Variants in BCKDHB observed in about 807,000 individuals in gnomAD.
BCKDHB encodes the protein 2-oxoisovalerate dehydrogenase subunit beta, mitochondrial.
Under a neutral mutation model 48.5 loss-of-function variants are expected in BCKDHB, and 41 were observed. The observed-to-expected ratio is 0.85, with a 90% CI of 0.66 to 1.10. The LOEUF (loss-of-function observed/expected upper bound fraction) is 1.10, where lower values mean the gene tolerates loss of function less well. BCKDHB is among the 50% of genes least tolerant of loss of function. BCKDHB has a pLI of 0.00. For synonymous variants in BCKDHB, 201 were observed against 174.8 expected (o/e 1.15, Z -1.18); for missense variants, 496 against 494.2 (o/e 1.00, Z -0.03).
At chr6:80,297,148 T>C (rs1470372532) in intron 9 of BCKDHB, among the ~76,000 whole-genome samples, 1 of 152,140 alleles carries the variant, frequency 6.6e-6, no homozygotes, top group East Asian at 1.9e-4. Flanking sequence ...ATGTCCCAGG[T>C]CTTATGTAAT....
intron 9 of BCKDHB, among the ~76,000 whole-genome samples, chr6:80,283,515 A>G (rs1428722497): frequency 6.6e-6 from 1 of 152,092 alleles, no homozygotes; most frequent in Non-Finnish European, 1.5e-5. Flanking sequence ...GCTAAGGAAG[A>G]CATTTATATT....
intron 9 of BCKDHB, among the ~76,000 whole-genome samples, chr6:80,340,686 A>G (rs970454754): frequency 4.6e-5 from 7 of 152,196 alleles, no homozygotes; most frequent in Non-Finnish European, 7.3e-5. Flanking sequence ...CATGGTTGCT[A>G]TGGTTATGGC....
the BCKDHB span, among the ~76,000 whole-genome samples, chr6:80,418,900 G>A: frequency 8.2e-3 from 1,252 of 152,320 alleles, 9 homozygotes; most frequent in South Asian, 0.02. Context: ...GATTGTGTGC[G>A]TAGTTTTCCT....
chr6:80,232,782 G>A (rs907112978), intron 8 of BCKDHB, among the ~76,000 whole-genome samples: 1 of 150,464 alleles, frequency 6.6e-6, no homozygotes, highest in Non-Finnish European at 1.5e-5. Context: ...CTATATCTGT[G>A]TTATATATGT....
the BCKDHB span, among the ~76,000 whole-genome samples, chr6:80,372,640 T>G: frequency 2.6e-5 from 4 of 152,180 alleles, no homozygotes; most frequent in African/African-American, 9.7e-5. Context: ...CCGATTTTGC[T>G]GAGGGTTTTA....
chr6:80,117,090 G>A lies in BCKDHB; in HGVS notation c.196+10201G>A, dbSNP rs72906876. 2.7e-3 allele frequency among the ~76,000 whole-genome samples: 404 copies of A among 152,236 alleles called. 1 individual carries two copies. The highest frequency in any genetic ancestry group is 4.7e-3 in the Non-Finnish European group (317 of 67,998). On this transcript the variant is annotated intron_variant, in intron 1 of 9. Coordinates refer to ENST00000320393, the MANE Select transcript of BCKDHB (RefSeq NM_183050.4). The stretch of plus-strand genomic sequence containing the variant: ...TGTAACTTTAAAAAAGAAATGAAAA[G>A]TAAATGCTGCTCCATTAAAATTTGT...
intron 8 of BCKDHB, among the ~76,000 whole-genome samples, chr6:80,233,406 C>T (rs574499643): frequency 1.1e-4 from 17 of 152,204 alleles, no homozygotes; most frequent in African/African-American, 4.1e-4. Flanking sequence ...TGAGATCATT[C>T]CCAACTAAGA....
chr6:80,144,520 A>G (rs1771379589), intron 3 of BCKDHB, among the ~76,000 whole-genome samples: 1 of 152,150 alleles, frequency 6.6e-6, no homozygotes, highest in African/African-American at 2.4e-5. Flanking sequence ...AGTTTGATGA[A>G]GGTGAATCGG....
chr6:80,343,548 T>A, intron 9 of BCKDHB, 116 bp from the exon 10 acceptor site: 1 of 1,144,022 alleles, frequency 8.7e-7, no homozygotes, highest in African/African-American at 1.6e-5. Context: ...CTTAAATATT[T>A]TTAATGTCCT....
chr6:80,272,748 G>T (rs1217126000), intron 8 of BCKDHB, among the ~76,000 whole-genome samples: 2 of 151,980 alleles, frequency 1.3e-5, no homozygotes, highest in East Asian at 1.9e-4. Flanking sequence ...TGTTATTTAT[G>T]TGCAAACAAA....
At position 80,222,350 on chromosome 6, in the gene BCKDHB, G is replaced by A. The variant is rs560902353; in HGVS notation, c.951+19138G>A. ...TCAGTTAAAAACAAGTCATTTAATT[G>A]GCAGCTATGAATCTTCAACTCTAAA... On this transcript the variant is annotated intron_variant, in intron 8 of 9. Transcript: ENST00000320393. Among the ~76,000 whole-genome samples, 4 of 152,238 alleles carry A rather than the reference G, an allele frequency of 2.6e-5. No individual in the cohort carries two copies. In the South Asian group the frequency reaches 8.3e-4, roughly 32 times the overall value.
At chr6:80,362,727 G>T in the BCKDHB span, among the ~76,000 whole-genome samples, 11 of 152,206 alleles carry the variant, frequency 7.2e-5, no homozygotes, top group African/African-American at 2.7e-4. Flanking sequence ...GCACATGAGA[G>T]ATTTGATGTG....
chr6:80,226,946 C>T (rs991392038), intron 8 of BCKDHB, among the ~76,000 whole-genome samples: 1 of 152,136 alleles, frequency 6.6e-6, no homozygotes, highest in Non-Finnish European at 1.5e-5. Flanking sequence ...GCAAGTGAGT[C>T]AACCTCTTCT....
chr6:80,218,138 C>G (rs1562146168), intron 8 of BCKDHB, among the ~76,000 whole-genome samples: 1 of 152,150 alleles, frequency 6.6e-6, no homozygotes, highest in Non-Finnish European at 1.5e-5. Flanking sequence ...GTTGCCGCCA[C>G]TTCTCACTGG....
chr6:80,187,981 A>T (rs956958871), intron 6 of BCKDHB, among the ~76,000 whole-genome samples: 3 of 152,324 alleles, frequency 2.0e-5, no homozygotes, highest in Non-Finnish European at 4.4e-5. Context: ...TATTGAATAT[A>T]TGCCCAAAGG....
At chr6:80,248,495 C>A (rs1002368846) in intron 8 of BCKDHB, among the ~76,000 whole-genome samples, 1 of 152,206 alleles carries the variant, frequency 6.6e-6, no homozygotes, top group African/African-American at 2.4e-5. Context: ...AATCAAGTGA[C>A]AATTATGTGC....
the BCKDHB span, among the ~76,000 whole-genome samples, chr6:80,407,983 T>A: frequency 6.6e-6 from 1 of 152,210 alleles, no homozygotes; most frequent in African/African-American, 2.4e-5. Context: ...TGATATTGGC[T>A]GTGGGTTTCT....
At chr6:80,413,315 A>C in the BCKDHB span, among the ~76,000 whole-genome samples, 1 of 152,164 alleles carries the variant, frequency 6.6e-6, no homozygotes, top group East Asian at 1.9e-4. Flanking sequence ...TTAAACTATT[A>C]AGTTCAGGCA....
chr6:80,433,911 C>T, the BCKDHB span, among the ~76,000 whole-genome samples: 1 of 151,982 alleles, frequency 6.6e-6, no homozygotes, highest in African/African-American at 2.4e-5. Flanking sequence ...ATTTTTTTGG[C>T]CATTATTTCT....
Sources: gnomAD v4.1 joint callset for allele counts (sites outside exome capture counted in the v4.1 genomes callset) on GRCh38, gnomAD v4.1.1 for gene constraint, MANE v1.5 for transcripts, NCBI Gene and HGNC (gene_info 2026-07-23, HGNC 2026-07-21) for gene names.